Variants in PCDH9 observed in about 807,000 individuals in gnomAD.
PCDH9 encodes protocadherin 9.
A neutral mutation model predicts 70.6 loss-of-function variants in PCDH9; 24 were observed. That is an observed-to-expected ratio of 0.34 (90% CI 0.25 to 0.48). The LOEUF (loss-of-function observed/expected upper bound fraction) is 0.48. Among genes scored for constraint, PCDH9 ranks in the 20% least tolerant of loss-of-function variants. PCDH9 has a pLI of 0.99. For synonymous variants in PCDH9, 562 were observed against 558.5 expected, an observed-to-expected ratio of 1.01 and a Z score of -0.09; for missense variants, 1,281 against 1,503.6, an observed-to-expected ratio of 0.85 and a Z score of 2.45.
chr13:66,664,853 T>C (rs1323206915), intron 3 of PCDH9, among the ~76,000 whole-genome samples: 3 of 151,942 alleles, frequency 2.0e-5, no homozygotes, highest in African/African-American at 7.3e-5. Context: ...CTTCATCCCA[T>C]CCCTACATCC....
chr13:66,517,670 T>G (rs1324511033), intron 4 of PCDH9, among the ~76,000 whole-genome samples: 3 of 152,130 alleles, frequency 2.0e-5, no homozygotes, highest in African/African-American at 7.2e-5. Context: ...TGCCTATCCC[T>G]TCTAAACTTG....
At chr13:67,194,409 C>G (rs1239867895) in intron 2 of PCDH9, among the ~76,000 whole-genome samples, 1 of 150,118 alleles carries the variant, frequency 6.7e-6, no homozygotes, top group African/African-American at 2.4e-5. Context: ...TATAATGACT[C>G]TTCAAAAAAA....
chr13:66,752,774 A>G (rs2079480602), intron 3 of PCDH9, among the ~76,000 whole-genome samples: 1 of 152,218 alleles, frequency 6.6e-6, no homozygotes, highest in Non-Finnish European at 1.5e-5. Flanking sequence ...AAGTGAAAAG[A>G]AGGCTCTAAG....
intron 2 of PCDH9, among the ~76,000 whole-genome samples, chr13:66,961,597 C>T (rs973041741): frequency 1.3e-5 from 2 of 152,078 alleles, no homozygotes; most frequent in Non-Finnish European, 2.9e-5. Flanking sequence ...AGTTTGAGAC[C>T]AGCCTGAGCA....
chr13:67,220,651 A>G (rs1242942109), intron 2 of PCDH9: 1 of 152,084 alleles, frequency 6.6e-6, no homozygotes, highest in Non-Finnish European at 1.5e-5. Context: ...TAAGGAGAAC[A>G]TTAATGTTCC....
chr13:67,133,902 A>T (rs1038376942), intron 2 of PCDH9, among the ~76,000 whole-genome samples: 1 of 152,112 alleles, frequency 6.6e-6, no homozygotes, highest in African/African-American at 2.4e-5. Context: ...AAATGGGGAA[A>T]ACTTCTACCT....
At chr13:66,476,798 A>G (rs9317591) in intron 4 of PCDH9, among the ~76,000 whole-genome samples, 76,634 of 151,640 alleles carry the variant, frequency 0.51, 19,835 homozygotes, top group East Asian at 0.66. Context: ...ATCCAAAAAT[A>G]TTGTGAGGAA....
At chr13:66,777,261 A>C (rs1363775882) in intron 3 of PCDH9, among the ~76,000 whole-genome samples, 1 of 152,014 alleles carries the variant, frequency 6.6e-6, no homozygotes, top group African/African-American at 2.4e-5. Context: ...AATGGCAACA[A>C]AAGCCAAAAT....
intron 4 of PCDH9, among the ~76,000 whole-genome samples, chr13:66,528,947 T>C (rs1422614587): frequency 6.6e-6 from 1 of 152,098 alleles, no homozygotes; most frequent in Non-Finnish European, 1.5e-5. Flanking sequence ...AAAATTCACG[T>C]GGGAAACAAC....
intron 2 of PCDH9, among the ~76,000 whole-genome samples, chr13:67,007,477 TAA>T (rs1050199486): frequency 1.1e-4 from 16 of 152,170 alleles, no homozygotes; most frequent in Non-Finnish European, 2.4e-4. Context: ...TAACAAAATG[TAA>T]AAGTTATTAG....
intron 3 of PCDH9, among the ~76,000 whole-genome samples, chr13:66,644,730 T>C (rs1769503903): frequency 1.3e-5 from 2 of 152,062 alleles, no homozygotes; most frequent in Non-Finnish European, 1.5e-5. Flanking sequence ...CACAAATTTG[T>C]AATTGTGGTC....
At chr13:66,770,563 A>G (rs2079791479) in intron 3 of PCDH9, among the ~76,000 whole-genome samples, 2 of 152,074 alleles carry the variant, frequency 1.3e-5, no homozygotes, top group African/African-American at 2.4e-5. Flanking sequence ...CTGCCCTCCA[A>G]CTTTTTCGGA....
At chr13:66,650,347 G>C (rs1229386609) in intron 3 of PCDH9, among the ~76,000 whole-genome samples, 2 of 151,812 alleles carry the variant, frequency 1.3e-5, no homozygotes, top group Non-Finnish European at 2.9e-5. Flanking sequence ...GTATCAAACA[G>C]ATTTAAAGAC....
At chr13:66,486,985 A>G (rs1178159334) in intron 4 of PCDH9, among the ~76,000 whole-genome samples, 3 of 152,346 alleles carry the variant, frequency 2.0e-5, no homozygotes, top group South Asian at 2.1e-4. Flanking sequence ...GATGGTGTGC[A>G]TATACATAAT....
At chr13:67,012,674 C>T (rs1205975664) in intron 2 of PCDH9, among the ~76,000 whole-genome samples, 3 of 151,980 alleles carry the variant, frequency 2.0e-5, no homozygotes, top group Non-Finnish European at 4.4e-5. Flanking sequence ...CAGCCTCTGA[C>T]TCATCCAGCT....
intron 2 of PCDH9, among the ~76,000 whole-genome samples, chr13:67,069,406 T>C (rs1335001801): frequency 6.6e-6 from 1 of 152,174 alleles, no homozygotes; most frequent in Non-Finnish European, 1.5e-5. Flanking sequence ...AGAAAATAAG[T>C]TTGAAATTCT....
intron 3 of PCDH9, among the ~76,000 whole-genome samples, chr13:66,641,072 G>A (rs1036532167): frequency 1.3e-4 from 19 of 151,834 alleles, no homozygotes; most frequent in African/African-American, 3.6e-4. Context: ...ATGGAGTTTC[G>A]CCATGTTGGC....
chr13:66,471,194 G>T (rs1958612887), intron 4 of PCDH9, among the ~76,000 whole-genome samples: 1 of 151,990 alleles, frequency 6.6e-6, no homozygotes, highest in Non-Finnish European at 1.5e-5. Flanking sequence ...TAAAAGGACT[G>T]ATCAGTTCGT....
intron 3 of PCDH9, among the ~76,000 whole-genome samples, chr13:66,730,453 C>T (rs767614352): frequency 3.3e-5 from 5 of 152,102 alleles, no homozygotes; most frequent in Non-Finnish European, 7.4e-5. Context: ...TCAGCTCTAA[C>T]ATCTCTTCCT....
Sources: allele counts gnomAD v4.1 joint callset (sites outside exome capture counted in the v4.1 genomes callset), GRCh38; gene constraint gnomAD v4.1.1; transcripts MANE v1.5; gene names NCBI Gene and HGNC (gene_info 2026-07-23, HGNC 2026-07-21).